The following RTF1 variants were observed in gnomAD, a reference collection of about 807,000 sequenced individuals.
RTF1 encodes RNA polymerase-associated protein RTF1 homolog.
A neutral mutation model predicts 95.7 loss-of-function variants in RTF1; 10 were observed. The ratio of observed to expected loss-of-function variants is 0.10; its 90% CI spans 0.06 to 0.18. RTF1 has a LOEUF of 0.18. Among genes scored for constraint, RTF1 ranks in the 10% least tolerant of loss-of-function variants. The pLI is 1.00. For synonymous variants in RTF1, 305 were observed against 311.8 expected (o/e 0.98, Z 0.23); for missense variants, 458 against 875.6 (o/e 0.52, Z 6.02).
chr15:41,480,993 T>C lies in RTF1; in HGVS notation c.*306T>C. 3.1e-6 allele frequency: 1 copy of C among 320,028 alleles called. No individual in the cohort carries two copies. The highest frequency in any genetic ancestry group is 6.3e-5 in the East Asian group (1 of 15,836). The allele number at this position is 320,028 out of a possible 1,614,324, so 19.8% of individuals were successfully genotyped here. Reference sequence around the variant, plus strand: ...TTTAACCGCGCAGTTCATTGGCCACTCTGCACGCATTCAGTATTACCATGG... The same window carrying C: ...TTTAACCGCGCAGTTCATTGGCCACCCTGCACGCATTCAGTATTACCATGG... On this transcript the variant is annotated 3_prime_UTR_variant, in exon 18 of 18. Coordinates refer to ENST00000389629, the MANE Select transcript of RTF1 (RefSeq NM_015138.5).
chr15:41,418,156 A>G (rs1489257657), intron 1 of RTF1, among the ~76,000 whole-genome samples: 1 of 152,156 alleles, frequency 6.6e-6, no homozygotes, highest in Non-Finnish European at 1.5e-5. Context: ...CATTGTAGGG[A>G]GGAATCTGCT....
chr15:41,449,922 C>T (rs893618627), intron 2 of RTF1, among the ~76,000 whole-genome samples: 9 of 151,954 alleles, frequency 5.9e-5, no homozygotes, highest in East Asian at 5.8e-4. Context: ...ACAGGCTGGG[C>T]GCAGTGGTTC....
At chr15:41,477,639 C>T (rs957904798) in intron 14 of RTF1, 124 bp downstream of exon 14, 21 of 809,624 alleles carry the variant, frequency 2.6e-5, no homozygotes, top group South Asian at 7.7e-5. Context: ...CGTATACACA[C>T]TCTCTCTGTA....
chr15:41,464,628 A>T (rs1181866976), intron 4 of RTF1, 143 bp from the exon 5 acceptor site: 2 of 519,160 alleles, frequency 3.9e-6, no homozygotes, highest in African/African-American at 2.0e-5. Context: ...TTTTTAATGT[A>T]CTTAAAAGGT....
intron 6 of RTF1, among the ~76,000 whole-genome samples, chr15:41,469,618 C>T (rs2050899348): frequency 1.3e-5 from 2 of 151,804 alleles, no homozygotes; most frequent in Admixed American, 1.3e-4. Flanking sequence ...CTCCGCCTCC[C>T]GGGTTCAAGC....
intron 16 of RTF1, 78 bp from the exon 17 acceptor site, chr15:41,480,136 G>C: frequency 2.2e-6 from 2 of 898,342 alleles, no homozygotes; most frequent in South Asian, 1.4e-5. Flanking sequence ...TAAGAGCTTC[G>C]TACCGTTAGT....
intron 2 of RTF1, 51 bp from the exon 3 acceptor site, chr15:41,452,849 CA>C (rs1453116213): frequency 6.7e-6 from 9 of 1,353,068 alleles, no homozygotes; most frequent in South Asian, 3.4e-5. Flanking sequence ...CAGCTTTTCC[CA>C]ATAAAGTCCC....
At chr15:41,429,621 A>G (rs898887620) in intron 1 of RTF1, among the ~76,000 whole-genome samples, 4 of 152,008 alleles carry the variant, frequency 2.6e-5, no homozygotes, top group African/African-American at 7.2e-5. Flanking sequence ...ACCGCATTCA[A>G]TTCTCCTGCT....
At chr15:41,459,051 G>A (rs1470019157) in intron 4 of RTF1, among the ~76,000 whole-genome samples, 4 of 151,826 alleles carry the variant, frequency 2.6e-5, no homozygotes, top group East Asian at 1.9e-4. Context: ...CAGCCTGGGC[G>A]ACAGAGGGAG....
chr15:41,454,115 A>C (rs1225706843), intron 3 of RTF1, among the ~76,000 whole-genome samples: 1 of 152,078 alleles, frequency 6.6e-6, no homozygotes, highest in Admixed American at 6.6e-5. Context: ...TTTATTATCG[A>C]GACAGAGTTT....
At chr15:41,450,195 CAAAAATA>C (rs1408619897) in intron 2 of RTF1, among the ~76,000 whole-genome samples, 3 of 151,846 alleles carry the variant, frequency 2.0e-5, no homozygotes, top group Non-Finnish European at 4.4e-5. Context: ...GACCCAGTCT[CAAAAATA>C]AAAAATAAAA....
chr15:41,458,625 C>T (rs1307607985), intron 4 of RTF1, among the ~76,000 whole-genome samples: 5 of 150,728 alleles, frequency 3.3e-5, no homozygotes, highest in Admixed American at 6.7e-5. Context: ...GTTGTGCACC[C>T]GTAGTCCCAG....
At chr15:41,417,900 G>A (rs1293766993) in intron 1 of RTF1, among the ~76,000 whole-genome samples, 1 of 151,452 alleles carries the variant, frequency 6.6e-6, no homozygotes, top group Non-Finnish European at 1.5e-5. Flanking sequence ...GTTTGTGTTT[G>A]AGAAGGGCCC....
At chr15:41,478,994 T>C in intron 15 of RTF1, 109 bp from the exon 16 acceptor site, 1 of 692,572 alleles carries the variant, frequency 1.4e-6, no homozygotes, top group South Asian at 1.8e-5. Context: ...TAGCTGCTGA[T>C]GGGTCGGCTG....
At chr15:41,467,890 C>G (rs1238537615) in intron 6 of RTF1, among the ~76,000 whole-genome samples, 1 of 151,854 alleles carries the variant, frequency 6.6e-6, no homozygotes, top group Non-Finnish European at 1.5e-5. Context: ...CCAGGCCAGG[C>G]ACGGTGGCTC....
intron 8 of RTF1, 47 bp from the exon 9 acceptor site, chr15:41,474,573 C>A: frequency 7.6e-7 from 1 of 1,320,698 alleles, no homozygotes; most frequent in Non-Finnish European, 1.1e-6. Flanking sequence ...TTGTGGAAAG[C>A]TCCGGAAGAG....
chr15:41,465,655 G>C (rs1246062363), intron 5 of RTF1, among the ~76,000 whole-genome samples: 2 of 151,824 alleles, frequency 1.3e-5, no homozygotes, highest in Admixed American at 6.6e-5. Context: ...AAAAAAAGCA[G>C]CCCACTAGTG....
At chr15:41,472,790 C>T in intron 8 of RTF1, among the ~76,000 whole-genome samples, 1 of 151,720 alleles carries the variant, frequency 6.6e-6, no homozygotes, top group Middle Eastern at 3.2e-3. Flanking sequence ...CAAACTCTGG[C>T]TCCCAGGTTC....
intron 3 of RTF1, among the ~76,000 whole-genome samples, chr15:41,455,443 G>A (rs114580269): frequency 0.013 from 1,974 of 152,222 alleles, 42 homozygotes; most frequent in African/African-American, 0.046. Context: ...ACTAAGGAAC[G>A]GAAAACCAAA....
Sources: allele counts gnomAD v4.1 joint callset (sites outside exome capture counted in the v4.1 genomes callset), GRCh38; gene constraint gnomAD v4.1.1; transcripts MANE v1.5; gene names NCBI Gene and HGNC (gene_info 2026-07-23, HGNC 2026-07-21).